The following VSTM2A variants were observed in gnomAD, a reference collection of about 807,000 sequenced individuals.
VSTM2A encodes V-set and transmembrane domain containing 2A.
A neutral mutation model predicts 27.3 loss-of-function variants in VSTM2A; 13 were observed. The observed-to-expected ratio is 0.48, with a 90% CI of 0.31 to 0.76. The LOEUF is 0.76. Ranked by LOEUF, VSTM2A falls within the 30% of genes least tolerant of loss-of-function variation. The pLI is 0.05. For missense variants in VSTM2A, 280 were observed against 310.0 expected (o/e 0.90, Z 0.73); for synonymous variants, 142 against 125.7 (o/e 1.13, Z -0.87).
chr7:54,562,493 A>G (rs1693277479), intron 4 of VSTM2A, among the ~76,000 whole-genome samples: 2 of 152,144 alleles, frequency 1.3e-5, no homozygotes, highest in African/African-American at 2.4e-5. Flanking sequence ...GGTATTCTTT[A>G]TTTCACCAAC....
chr7:54,546,565 T>TGCCCACCC (rs1261814517), intron 2 of VSTM2A: 1 of 139,956 alleles, frequency 7.1e-6, no homozygotes, highest in Non-Finnish European at 1.5e-5. Flanking sequence ...CCCCCCCGCC[T>TGCCCACCC]GCCCGCCCGC....
At chr7:54,544,535 C>G (rs1170468570) in intron 1 of VSTM2A, 87 bp from the exon 2 acceptor site, 1 of 1,547,360 alleles carries the variant, frequency 6.5e-7, no homozygotes, top group Non-Finnish European at 8.9e-7. Flanking sequence ...CTATTTAAGT[C>G]CAGGAAAAAT....
In VSTM2A at chr7:54,542,763, T is replaced by A; in HGVS notation, c.33T>A (p.Phe11Leu). The change falls in exon 1 of 5, where the codon TTT (phenylalanine) becomes TTA (leucine). Residue 11 changes from phenylalanine to leucine, a missense_variant. By Grantham distance (22) the Phe-to-Leu change is conservative. Transcript: ENST00000402613. MMGIFLVYVGFVFFSVLYVQQ... is the reference protein window; with the variant it reads MMGIFLVYVGLVFFSVLYVQQ... ...GGATCTTTTTGGTGTATGTTGGATTTGTTTTCTTTTCCGTTTTATATGTAC... is the reference window on the plus strand; with the variant it reads ...GGATCTTTTTGGTGTATGTTGGATTAGTTTTCTTTTCCGTTTTATATGTAC... The A allele has an allele frequency of 6.2e-7, 1 of 1,613,936 alleles. No homozygotes were observed. The highest frequency in any genetic ancestry group is 8.5e-7 in the Non-Finnish European group (1 of 1,179,856).
intron 4 of VSTM2A, among the ~76,000 whole-genome samples, chr7:54,566,063 G>A (rs1381203613): frequency 1.3e-5 from 2 of 152,172 alleles, no homozygotes; most frequent in African/African-American, 2.4e-5. Flanking sequence ...TTACAAAGAC[G>A]GGGGAATTAC....
At chr7:54,546,805 AG>A in intron 2 of VSTM2A, 141 bp from the exon 3 acceptor site, 1 of 913,034 alleles carries the variant, frequency 1.1e-6, no homozygotes, top group Non-Finnish European at 1.6e-6. Flanking sequence ...GGGCCTGGAC[AG>A]GGGTGGCCAC....
intron 4 of VSTM2A, chr7:54,558,951 T>C (rs1403255479): frequency 6.6e-6 from 1 of 152,042 alleles, no homozygotes; most frequent in Non-Finnish European, 1.5e-5. Context: ...AAGTAAATAA[T>C]ATGTAACTAA....
intron 4 of VSTM2A, among the ~76,000 whole-genome samples, chr7:54,556,529 T>C (rs1788366291): frequency 6.6e-6 from 1 of 152,244 alleles, no homozygotes; most frequent in Admixed American, 6.5e-5. Context: ...GTCAGTCATA[T>C]AATTCAGCCC....
intron 4 of VSTM2A, chr7:54,558,073 G>A (rs1007675175): frequency 6.6e-6 from 1 of 152,120 alleles, no homozygotes; most frequent in African/African-American, 2.4e-5. Context: ...TATAAAACAT[G>A]ATAAAATTCC....
intron 3 of VSTM2A, among the ~76,000 whole-genome samples, chr7:54,549,188 C>G (rs948578752): frequency 1.3e-5 from 2 of 152,024 alleles, no homozygotes; most frequent in Non-Finnish European, 2.9e-5. Flanking sequence ...TATAAAGTCC[C>G]TATAATGGCA....
chr7:54,559,272 G>A (rs954959239), intron 4 of VSTM2A: 8 of 152,008 alleles, frequency 5.3e-5, no homozygotes, highest in African/African-American at 1.2e-4. Flanking sequence ...TTGCAAATAA[G>A]TAGTATGAAT....
At chr7:54,553,265 A>T (rs1039540923) in intron 4 of VSTM2A, among the ~76,000 whole-genome samples, 5 of 152,208 alleles carry the variant, frequency 3.3e-5, no homozygotes, top group Non-Finnish European at 5.9e-5. Context: ...TCACTTGTAA[A>T]ATTATTTGAA....
intron 4 of VSTM2A, among the ~76,000 whole-genome samples, chr7:54,555,477 C>T (rs2115855455): frequency 6.6e-6 from 1 of 152,246 alleles, no homozygotes. Flanking sequence ...TGAGTCTTTT[C>T]CTATTTGCTG....
intron 4 of VSTM2A, chr7:54,559,208 A>T (rs1238939067): frequency 1.3e-5 from 2 of 152,162 alleles, no homozygotes. Context: ...AATCCTCAAT[A>T]GTAGCAACAA....
chr7:54,559,952 G>A (rs1024045262), intron 4 of VSTM2A: 1 of 151,812 alleles, frequency 6.6e-6, no homozygotes, highest in Non-Finnish European at 1.5e-5. Flanking sequence ...AAGAAAAAAA[G>A]AAAATGTACA....
chr7:54,568,402 A>G (rs1264026752), intron 4 of VSTM2A, among the ~76,000 whole-genome samples: 1 of 152,208 alleles, frequency 6.6e-6, no homozygotes, highest in Non-Finnish European at 1.5e-5. Context: ...ATTTGTAGCT[A>G]GAAGCTTATT....
At chr7:54,554,706 C>T (rs1218996891) in intron 4 of VSTM2A, among the ~76,000 whole-genome samples, 1 of 152,174 alleles carries the variant, frequency 6.6e-6, no homozygotes, top group Non-Finnish European at 1.5e-5. Flanking sequence ...GTGCAGCCAC[C>T]TTACTGAGTG....
rs372581383 is a variant in VSTM2A at position 54,542,412 on chromosome 7, A to T, written c.-319A>T. The T allele has an allele frequency of 3.8e-5, 17 of 441,732 alleles. No individual in the cohort carries two copies. The highest frequency in any genetic ancestry group is 3.8e-4 in the South Asian group (12 of 31,796). 27.4% of individuals were successfully genotyped at this position (441,732 alleles called of 1,614,324 possible). The stretch of plus-strand genomic sequence containing the variant: ...GGCTCCGTGTTTAGGGAGGGCAGTG[A>T]TCACGCAAGCCGGAGCGGCGGGCTG... On this transcript the variant is annotated 5_prime_UTR_variant, in exon 1 of 5. Coordinates refer to ENST00000402613, the MANE Select transcript of VSTM2A (RefSeq NM_001301009.2).
chr7:54,560,288 T>C (rs1207732729), intron 4 of VSTM2A, among the ~76,000 whole-genome samples: 1 of 152,160 alleles, frequency 6.6e-6, no homozygotes, highest in African/African-American at 2.4e-5. Context: ...GCTAGTAGCA[T>C]TGAAATTAGG....
chr7:54,543,075 G>C (rs74555429), intron 1 of VSTM2A, among the ~76,000 whole-genome samples: 53 of 152,188 alleles, frequency 3.5e-4, no homozygotes, highest in Non-Finnish European at 6.5e-4. Context: ...GTGTGTGTGT[G>C]GGTGTGTGTG....
Sources: allele counts gnomAD v4.1 joint callset (sites outside exome capture counted in the v4.1 genomes callset), GRCh38; gene constraint gnomAD v4.1.1; transcripts MANE v1.5; gene names NCBI Gene and HGNC (gene_info 2026-07-23, HGNC 2026-07-21).